Variants in CCDC124 observed in about 807,000 individuals in gnomAD.
The protein encoded by CCDC124 is coiled-coil domain containing 124.
A neutral mutation model predicts 19.8 loss-of-function variants in CCDC124; 9 were observed. The observed-to-expected ratio is 0.45, with a 90% CI of 0.27 to 0.79. The LOEUF is 0.79. CCDC124 is among the 30% of genes least tolerant of loss of function. The probability of loss-of-function intolerance (pLI) is 0.14; values close to 1 mark genes in which losing one functional copy is unlikely to be tolerated. For synonymous variants in CCDC124, 126 were observed against 131.3 expected (o/e 0.96, Z 0.27); for missense variants, 285 against 319.0 (o/e 0.89, Z 0.81).
rs1045408491 is a variant in CCDC124, at chr19:17,943,763, ACT to A, written c.*51_*52del. 1.0e-5 allele frequency: 16 copies of A among 1,569,248 alleles called. No individual in the cohort carries two copies. The African/African-American group carries it at 1.6e-4, about 16-fold the overall frequency. On this transcript the variant is annotated 3_prime_UTR_variant, in exon 5 of 5. Coordinates refer to ENST00000445755, the MANE Select transcript of CCDC124 (RefSeq NM_001136203.2). ...TCACCCACGGGTGGTCCAGGTCACG[ACT>A]CTGCACGCCCTTAGGCCAGGTCAGC... is the stretch of plus-strand genomic sequence containing the variant.
In CCDC124 at chr19:17,943,241, T is replaced by TCGGGGGGGGCCCCCCCCCCC; in HGVS notation, c.350-19_350-18insGGGGGGGGCCCCCCCCCCCC. ...CTTTGCTTATCTCTCTCTGTCTCTG[T>TCGGGGGGGGCCCCCCCCCCC]CACCCACCCACCCGCCCAGCCGAGA... On this transcript the variant is annotated intron_variant, in intron 3 of 4. Transcript: ENST00000445755. The TCGGGGGGGGCCCCCCCCCCC allele has an allele frequency of 1.4e-6, 1 of 736,678 alleles. No individual in the cohort carries two copies. The highest frequency in any genetic ancestry group is 2.4e-6 in the Non-Finnish European group (1 of 414,970). The allele number at this position is 736,678 out of a possible 1,614,324, so 45.6% of individuals were successfully genotyped here.
Position 17,943,470 on chromosome 19 carries a change from T to C in CCDC124, c.465-38T>C, listed in dbSNP as rs2031237283. 1.9e-6 allele frequency: 3 copies of C among 1,597,698 alleles called. No homozygotes were observed. In the Admixed American group the frequency reaches 5.1e-5, roughly 27 times the overall value. ...GGGGCCGGGCTTTTCGGGGCAAGGC[T>C]GCGCCCAAGGCCCCCTGACGCTCAT... On this transcript the variant is annotated intron_variant, in intron 4 of 4. Transcript: ENST00000445755.
chr19:17,942,976 G>A lies in CCDC124; in HGVS notation c.349+131G>A. ...CACGTGGTGCAGGGTGGGTGGGTAG[G>A]CCGCCTCCTGGTAGGCCTGGCCGTG... On this transcript the variant is annotated intron_variant, in intron 3 of 4. Transcript: ENST00000445755. This position sits in a 1 kb window ranked among gnomAD's most constrained non-coding sequence, Gnocchi z 4.2. The A allele has an allele frequency of 1.8e-6, 2 of 1,131,360 alleles. No individual in the cohort carries two copies. The highest frequency in any genetic ancestry group is 2.4e-6 in the Non-Finnish European group (2 of 819,704). The allele number at this position is 1,131,360 out of a possible 1,614,324, so 70.1% of individuals were successfully genotyped here. A position where few individuals can be genotyped will look rare whatever the true frequency, so the allele number is the denominator to read the frequency against.
chr19:17,935,502 C>T (rs1362547745), intron 1 of CCDC124, among the ~76,000 whole-genome samples: 1 of 151,692 alleles, frequency 6.6e-6, no homozygotes, highest in Non-Finnish European at 1.5e-5. Flanking sequence ...CTCATTGCAA[C>T]CTCCGCCTCC....
chr19:17,943,772 G>T lies in CCDC124; in HGVS notation c.*57G>T. 2.6e-6 allele frequency: 4 copies of T among 1,532,172 alleles called. No individual in the cohort carries two copies. The highest frequency in any genetic ancestry group is 1.8e-5 in the Admixed American group (1 of 54,784). 94.9% of individuals were successfully genotyped at this position (1,532,172 alleles called of 1,614,324 possible). A position where few individuals can be genotyped will look rare whatever the true frequency, so the allele number is the denominator to read the frequency against. ...GGTGGTCCAGGTCACGACTCTGCACGCCCTTAGGCCAGGTCAGCTGCGAGG... is the reference window on the plus strand; with the variant it reads ...GGTGGTCCAGGTCACGACTCTGCACTCCCTTAGGCCAGGTCAGCTGCGAGG... On this transcript the variant is annotated 3_prime_UTR_variant, in exon 5 of 5. Coordinates refer to ENST00000445755, the MANE Select transcript of CCDC124 (RefSeq NM_001136203.2).
Position 17,943,839 on chromosome 19 carries a change from C to A in CCDC124, c.*124C>A. On this transcript the variant is annotated 3_prime_UTR_variant, in exon 5 of 5. Coordinates refer to ENST00000445755, the MANE Select transcript of CCDC124 (RefSeq NM_001136203.2). ...GGGGCCAAGGCGCCGGGCCCCGGGG[C>A]CATGCTCTTATCACCAGCCACCCGT... 1 of 928,722 alleles carries A rather than the reference C, an allele frequency of 1.1e-6. No individual in the cohort carries two copies. The highest frequency in any genetic ancestry group is 1.6e-6 in the Non-Finnish European group (1 of 614,440). 57.5% of individuals were successfully genotyped at this position (928,722 alleles called of 1,614,324 possible). A position where few individuals can be genotyped will look rare whatever the true frequency, so the allele number is the denominator to read the frequency against.
intron 3 of CCDC124, 68 bp from the exon 4 acceptor site, chr19:17,943,191 ATC>A: frequency 7.9e-7 from 1 of 1,264,106 alleles, no homozygotes; most frequent in Non-Finnish European, 1.1e-6. Flanking sequence ...GCCAGTCTCT[ATC>A]TCATCTCCTT....
rs138494635 is a variant in CCDC124, at chr19:17,942,468, A to G, written c.160-188A>G. On this transcript the variant is annotated intron_variant, in intron 2 of 4. Transcript: ENST00000445755. The surrounding 1 kb of genome is among the most constrained non-coding windows in gnomAD (Gnocchi z 4.2). ...AAGAGCCACCCACCCGCCCTGTCCA[A>G]GGTTCCCCTGTTGGCCTCACATCCC... Among the ~76,000 whole-genome samples the G allele has an allele frequency of 6.6e-6, 1 of 152,136 alleles. No homozygotes were observed. The highest frequency in any genetic ancestry group is 1.5e-5 in the Non-Finnish European group (1 of 67,966).
intron 2 of CCDC124, among the ~76,000 whole-genome samples, chr19:17,938,602 T>G (rs1367408453): frequency 6.6e-6 from 1 of 152,136 alleles, no homozygotes; most frequent in African/African-American, 2.4e-5. Flanking sequence ...ATCTTTTTTT[T>G]GTTTTTTTAA....
Position 17,943,386 on chromosome 19 carries a change from G to T in CCDC124, c.464+11G>T. On this transcript the variant is annotated intron_variant, in intron 4 of 4. Coordinates refer to ENST00000445755, the MANE Select transcript of CCDC124 (RefSeq NM_001136203.2). The stretch of plus-strand genomic sequence containing the variant: ...CATTGCAGTGCTCAGGTAACGGGGC[G>T]GGGCCTGGGGCTTTCCCAGGGGTGG... 1 of 1,569,344 alleles carries T rather than the reference G, an allele frequency of 6.4e-7. No individual in the cohort carries two copies. Among genetic ancestry groups the T allele is most frequent in the Non-Finnish European group, 8.6e-7 (1 of 1,161,270 alleles).
intron 1 of CCDC124, among the ~76,000 whole-genome samples, chr19:17,933,512 C>G (rs938237108): frequency 6.6e-6 from 1 of 152,290 alleles, no homozygotes; most frequent in East Asian, 1.9e-4. Context: ...TGAGCCACTC[C>G]CTGGGTACCG....
intron 2 of CCDC124, among the ~76,000 whole-genome samples, chr19:17,940,019 A>T (rs2031145834): frequency 6.8e-6 from 1 of 146,374 alleles, no homozygotes; most frequent in South Asian, 2.2e-4. Context: ...GGTCCAAGCG[A>T]TTCTTTTGCT....
intron 2 of CCDC124, among the ~76,000 whole-genome samples, chr19:17,941,728 C>A (rs2031186103): frequency 6.6e-6 from 1 of 152,098 alleles, no homozygotes; most frequent in Admixed American, 6.6e-5. Flanking sequence ...CTGGCAGTGT[C>A]CTTAGGTGCG....
chr19:17,940,125 C>A (rs2031147633), intron 2 of CCDC124, among the ~76,000 whole-genome samples: 1 of 151,730 alleles, frequency 6.6e-6, no homozygotes, highest in African/African-American at 2.4e-5. Context: ...GTTGGCCAGG[C>A]TGGTCTCCAA....
At chr19:17,939,445 G>C (rs993650547) in intron 2 of CCDC124, among the ~76,000 whole-genome samples, 3 of 152,026 alleles carry the variant, frequency 2.0e-5, no homozygotes, top group Admixed American at 6.6e-5. Flanking sequence ...ACAGAATCCA[G>C]AGACCTTTCC....
At chr19:17,936,148 G>A (rs1180669467) in intron 1 of CCDC124, 12 of 323,982 alleles carry the variant, frequency 3.7e-5, no homozygotes, top group African/African-American at 1.3e-4. Flanking sequence ...CAAGTGATCC[G>A]CCCGCCTCGG....
chr19:17,943,634 A>G lies in CCDC124; in HGVS notation c.591A>G (p.Lys197=). ...ENPNMRLSQL[K]QLLKKEWLRS... The stretch of plus-strand genomic sequence containing the variant: ...CCAACATGCGGCTGTCGCAGCTGAA[A>G]CAGCTGCTCAAGAAGGAGTGGCTCC... Residue 197 remains lysine, a synonymous_variant, in exon 5 of 5, where the codon AAA becomes AAG. Coordinates refer to ENST00000445755, the MANE Select transcript of CCDC124 (RefSeq NM_001136203.2). 3.7e-6 allele frequency: 6 copies of G among 1,612,878 alleles called. No individual in the cohort carries two copies. The highest frequency in any genetic ancestry group is 5.1e-6 in the Non-Finnish European group (6 of 1,179,920).
chr19:17,943,960 G>T lies in CCDC124; in HGVS notation c.*245G>T. On this transcript the variant is annotated 3_prime_UTR_variant, in exon 5 of 5. Transcript: ENST00000445755. The stretch of plus-strand genomic sequence containing the variant: ...GCCTCAGGGCTGAGTGCCCAATAAA[G>T]GTGGCGGCAAGGCTGCGGTGAGGCA... 1.8e-6 allele frequency: 1 copy of T among 556,074 alleles called. No individual in the cohort carries two copies. The highest frequency in any genetic ancestry group is 3.2e-6 in the Non-Finnish European group (1 of 310,406). The allele number at this position is 556,074 out of a possible 1,614,324, so 34.4% of individuals were successfully genotyped here.
chr19:17,934,290 A>G lies in CCDC124; in HGVS notation c.-12+1242A>G, dbSNP rs1313098821. Among the ~76,000 whole-genome samples, 6 of 149,192 alleles carry G rather than the reference A, an allele frequency of 4.0e-5. No homozygotes were observed. The South Asian group carries it at 1.0e-3, about 26-fold the overall frequency. On this transcript the variant is annotated intron_variant, in intron 1 of 4. Transcript: ENST00000445755. ...AATCCTAGCTGCTTGGGAGGCTGAA[A>G]CAGGAGAATTGCTTGAACCGGGTGG...
Sources: allele counts gnomAD v4.1 joint callset (sites outside exome capture counted in the v4.1 genomes callset), GRCh38; gene constraint gnomAD v4.1.1; non-coding constraint Gnocchi (gnomAD v3.1); transcripts MANE v1.5; gene names NCBI Gene and HGNC (gene_info 2026-07-23, HGNC 2026-07-21).